GRM1: variants seen among roughly 807,000 people sequenced by gnomAD.
GRM1 encodes glutamate metabotropic receptor 1, also known as metabotropic glutamate receptor 1.
A neutral mutation model predicts 90.9 loss-of-function variants in GRM1; 33 were observed. That is an observed-to-expected ratio of 0.36 (90% CI 0.28 to 0.49). GRM1 has a LOEUF of 0.49. GRM1 is among the 20% of genes least tolerant of loss of function. The pLI is 0.99. For synonymous variants in GRM1, 700 were observed against 613.2 expected (o/e 1.14, Z -2.09); for missense variants, 1,190 against 1,534.3 (o/e 0.78, Z 3.75).
chr6:146,353,535 C>A (rs150888647), intron 4 of GRM1, among the ~76,000 whole-genome samples: 1 of 152,154 alleles, frequency 6.6e-6, no homozygotes, highest in African/African-American at 2.4e-5. Flanking sequence ...AGATTGCAAG[C>A]GGTGGAGGCA....
chr6:146,426,245 T>C (rs1583483307), intron 7 of GRM1, among the ~76,000 whole-genome samples: 1 of 151,932 alleles, frequency 6.6e-6, no homozygotes, highest in African/African-American at 2.4e-5. Context: ...AGAGATGAAG[T>C]CCACTGCCAC....
intron 3 of GRM1, among the ~76,000 whole-genome samples, chr6:146,307,196 C>A (rs757254448): frequency 4.6e-5 from 7 of 152,062 alleles, no homozygotes; most frequent in Non-Finnish European, 1.0e-4. Flanking sequence ...ATTTACAAAT[C>A]TTGATTTATT....
At chr6:146,118,290 C>T (rs566025145) in intron 1 of GRM1, among the ~76,000 whole-genome samples, 57 of 151,956 alleles carry the variant, frequency 3.8e-4, no homozygotes, top group African/African-American at 1.3e-3. Flanking sequence ...CAGGCGCCCA[C>T]CACGACGCCC....
chr6:146,405,720 T>C (rs906771322), intron 7 of GRM1, among the ~76,000 whole-genome samples: 1 of 152,150 alleles, frequency 6.6e-6, no homozygotes, highest in Non-Finnish European at 1.5e-5. Context: ...GTTTGTTTGT[T>C]TTTTACATGG....
chr6:146,117,162 T>A (rs12209202), intron 1 of GRM1, among the ~76,000 whole-genome samples: 9,191 of 151,274 alleles, frequency 0.061, 302 homozygotes, highest in East Asian at 0.13. Flanking sequence ...TTATTTATTT[T>A]TTTTTTAGTT....
chr6:146,101,115 T>C (rs1329217905), intron 1 of GRM1, among the ~76,000 whole-genome samples: 1 of 152,108 alleles, frequency 6.6e-6, no homozygotes, highest in African/African-American at 2.4e-5. Context: ...TCAGGAGAAA[T>C]ATTTACAGTC....
At chr6:146,428,106 A>G (rs1402939539) in intron 7 of GRM1, among the ~76,000 whole-genome samples, 1 of 152,260 alleles carries the variant, frequency 6.6e-6, no homozygotes, top group African/African-American at 2.4e-5. Context: ...TCAGAATAGG[A>G]TCTATTCAAA....
intron 2 of GRM1, among the ~76,000 whole-genome samples, chr6:146,226,206 C>G (rs1780233919): frequency 6.6e-6 from 1 of 152,088 alleles, no homozygotes; most frequent in African/African-American, 2.4e-5. Context: ...AAAGCACTTC[C>G]TCCTTCTTTC....
chr6:146,304,865 A>G lies in GRM1; in HGVS notation c.1186+19A>G. 2.0e-6 allele frequency: 3 copies of G among 1,493,790 alleles called. No homozygotes were observed. The highest frequency in any genetic ancestry group is 1.1e-5 in the South Asian group (1 of 88,638). 92.5% of individuals were successfully genotyped at this position (1,493,790 alleles called of 1,614,324 possible). A position where few individuals can be genotyped will look rare whatever the true frequency, so the allele number is the denominator to read the frequency against. ...TGCACAGGTAACTCATGTTCACAAAATAACAACTCAGAGGTTTGGTCATCT... is the reference window on the plus strand; with the variant it reads ...TGCACAGGTAACTCATGTTCACAAAGTAACAACTCAGAGGTTTGGTCATCT... On this transcript the variant is annotated intron_variant, in intron 3 of 7. Transcript: ENST00000282753.
chr6:146,033,044 T>C (rs1014898048), intron 1 of GRM1, among the ~76,000 whole-genome samples: 2 of 152,282 alleles, frequency 1.3e-5, no homozygotes, highest in South Asian at 4.2e-4. Flanking sequence ...GTACCACACT[T>C]GATACATGAC....
chr6:146,429,457 G>A (rs550591462), intron 7 of GRM1, among the ~76,000 whole-genome samples: 2 of 152,320 alleles, frequency 1.3e-5, no homozygotes, highest in Non-Finnish European at 2.9e-5. Flanking sequence ...TGACAAACTC[G>A]AGGTTGCCTG....
chr6:146,299,462 T>G (rs1783297936), intron 2 of GRM1, among the ~76,000 whole-genome samples: 1 of 152,174 alleles, frequency 6.6e-6, no homozygotes. Context: ...TTATGGTTTG[T>G]TAGGCAGGCC....
intron 7 of GRM1, among the ~76,000 whole-genome samples, chr6:146,408,732 T>G (rs1221058616): frequency 2.6e-5 from 4 of 152,186 alleles, no homozygotes; most frequent in Admixed American, 6.5e-5. Flanking sequence ...TTACTCCGTG[T>G]GAGATGTGTG....
intron 1 of GRM1, among the ~76,000 whole-genome samples, chr6:146,030,730 G>A (rs914891180): frequency 6.6e-6 from 1 of 152,138 alleles, no homozygotes; most frequent in Non-Finnish European, 1.5e-5. Context: ...AAACTTTCCT[G>A]TGAATGTAGG....
At chr6:146,165,097 T>C (rs560402849) in intron 2 of GRM1, among the ~76,000 whole-genome samples, 1 of 152,212 alleles carries the variant, frequency 6.6e-6, no homozygotes, top group African/African-American at 2.4e-5. Context: ...TAAAACTTGA[T>C]CCAAGAAAAT....
At position 146,414,377 on chromosome 6, in the gene GRM1, TTTATTA is replaced by T. The variant is rs56297907; in HGVS notation, c.2660+14702_2660+14707del. On this transcript the variant is annotated intron_variant, in intron 7 of 7. Transcript: ENST00000282753. The stretch of plus-strand genomic sequence containing the variant: ...TCTTCTTTTATTGGGCCGTTTGCCT[TTTATTA>T]TTATTATTATTATTATTATTATTTT... Among the ~76,000 whole-genome samples the T allele has an allele frequency of 7.6e-5, 11 of 145,380 alleles. No homozygotes were observed. The East Asian group carries it at 1.0e-3, about 13-fold the overall frequency.
intron 6 of GRM1, among the ~76,000 whole-genome samples, chr6:146,392,797 G>A (rs903257538): frequency 6.6e-6 from 1 of 152,104 alleles, no homozygotes; most frequent in African/African-American, 2.4e-5. Flanking sequence ...TTGGTTTTCT[G>A]TTCCTGTGTT....
intron 2 of GRM1, among the ~76,000 whole-genome samples, chr6:146,250,597 T>C (rs577171629): frequency 6.6e-6 from 1 of 152,326 alleles, no homozygotes; most frequent in African/African-American, 2.4e-5. Flanking sequence ...GTTTATAAAT[T>C]GGTCCTAATT....
At chr6:146,040,092 T>C (rs1320182241) in intron 1 of GRM1, among the ~76,000 whole-genome samples, 1 of 151,892 alleles carries the variant, frequency 6.6e-6, no homozygotes, top group Non-Finnish European at 1.5e-5. Context: ...GGCAGTACTT[T>C]AAGGCATGTG....
Sources: allele counts gnomAD v4.1 joint callset (sites outside exome capture counted in the v4.1 genomes callset), GRCh38; gene constraint gnomAD v4.1.1; transcripts MANE v1.5; gene names NCBI Gene and HGNC (gene_info 2026-07-23, HGNC 2026-07-21).